Variants in GSK3B observed in about 807,000 individuals in gnomAD.
GSK3B encodes glycogen synthase kinase 3 beta.
Under a neutral mutation model 56.4 loss-of-function variants are expected in GSK3B, and 15 were observed. That is an observed-to-expected ratio of 0.27 (90% CI 0.18 to 0.41). GSK3B has a LOEUF of 0.41. Ranked by LOEUF, GSK3B falls within the 10% of genes least tolerant of loss-of-function variation. GSK3B has a pLI of 1.00. For synonymous variants in GSK3B, 181 were observed against 188.9 expected (o/e 0.96, Z 0.34); for missense variants, 300 against 513.4 (o/e 0.58, Z 4.02).
intron 8 of GSK3B, among the ~76,000 whole-genome samples, chr3:119,875,973 C>T (rs1036813669): frequency 1.3e-5 from 2 of 151,752 alleles, no homozygotes; most frequent in East Asian, 1.9e-4. Context: ...GGAAAGTAAA[C>T]AAGAGAGGAA....
At position 119,936,354 on chromosome 3, in the gene GSK3B, A is replaced by ATAT. The variant is rs571582966; in HGVS notation, c.366+10913_366+10914insATA. On this transcript the variant is annotated intron_variant, in intron 3 of 10. Coordinates refer to ENST00000264235, the MANE Select transcript of GSK3B (RefSeq NM_001146156.2). ...ATATAAAAAATATATATATATATAT[A>ATAT]TTTTTTTTTTGAGACAAAGTCTCGC... 4.9e-4 allele frequency among the ~76,000 whole-genome samples: 62 copies of ATAT among 125,762 alleles called. No homozygotes were observed. The East Asian group carries it at 6.3e-3, about 13-fold the overall frequency. The allele number at this position is 125,762 out of a possible 152,430, so 82.5% of individuals were successfully genotyped here. A position where few individuals can be genotyped will look rare whatever the true frequency, so the allele number is the denominator to read the frequency against.
At chr3:119,833,507 T>G (rs923678505) in intron 10 of GSK3B, among the ~76,000 whole-genome samples, 2 of 152,152 alleles carry the variant, frequency 1.3e-5, no homozygotes, top group Non-Finnish European at 1.5e-5. Flanking sequence ...TAATTGACGT[T>G]AAAGATTAAA....
intron 1 of GSK3B, among the ~76,000 whole-genome samples, chr3:120,012,308 G>GT (rs1157510219): frequency 6.6e-6 from 1 of 152,148 alleles, no homozygotes; most frequent in Non-Finnish European, 1.5e-5. Flanking sequence ...ACTAGAAACT[G>GT]TAACAAATCT....
chr3:119,921,140 A>G (rs1270392723), intron 4 of GSK3B, among the ~76,000 whole-genome samples: 2 of 152,236 alleles, frequency 1.3e-5, no homozygotes, highest in African/African-American at 2.4e-5. Flanking sequence ...TAAAACAACA[A>G]AACACCTCAT....
At chr3:120,088,246 T>C (rs866045888) in intron 1 of GSK3B, among the ~76,000 whole-genome samples, 8 of 152,116 alleles carry the variant, frequency 5.3e-5, no homozygotes, top group Middle Eastern at 3.4e-3. Context: ...CAGACACAAG[T>C]ATATTGGAAT....
intron 1 of GSK3B, among the ~76,000 whole-genome samples, chr3:120,004,648 T>C (rs1447907872): frequency 2.0e-5 from 3 of 152,154 alleles, no homozygotes; most frequent in Admixed American, 6.5e-5. Flanking sequence ...GGAGTGGACC[T>C]CTAGCAAACT....
intron 7 of GSK3B, among the ~76,000 whole-genome samples, chr3:119,899,944 T>A (rs1353969239): frequency 6.6e-6 from 1 of 152,064 alleles, no homozygotes; most frequent in African/African-American, 2.4e-5. Context: ...CAAAAGTTTA[T>A]TTGCATCTGT....
At chr3:119,912,946 A>T (rs769264531) in intron 5 of GSK3B, 136 bp from the exon 6 acceptor site, 101 of 455,716 alleles carry the variant, frequency 2.2e-4, no homozygotes, top group Middle Eastern at 1.1e-3. Flanking sequence ...GAAAAAGAAA[A>T]TGTAAACTGT....
chr3:120,044,926 T>C (rs1198116707), intron 1 of GSK3B, among the ~76,000 whole-genome samples: 2 of 152,230 alleles, frequency 1.3e-5, no homozygotes, highest in Admixed American at 1.3e-4. Flanking sequence ...ATCCAATGAA[T>C]TAACTAGAAT....
At chr3:120,005,298 T>C (rs111664069) in intron 1 of GSK3B, among the ~76,000 whole-genome samples, 1,849 of 152,276 alleles carry the variant, frequency 0.012, 33 homozygotes, top group African/African-American at 0.042. Context: ...AATCTACGTT[T>C]GAATGGTGTA....
intron 1 of GSK3B, among the ~76,000 whole-genome samples, chr3:120,043,701 C>T (rs1264637443): frequency 6.6e-6 from 1 of 152,182 alleles, no homozygotes; most frequent in East Asian, 1.9e-4. Context: ...CTCTAATTGT[C>T]CATCTCACCA....
chr3:120,035,452 T>A (rs1018486987), intron 1 of GSK3B, among the ~76,000 whole-genome samples: 2 of 152,356 alleles, frequency 1.3e-5, no homozygotes, highest in Admixed American at 1.3e-4. Context: ...TCCCTTGTAT[T>A]TCCATATGAA....
intron 1 of GSK3B, among the ~76,000 whole-genome samples, chr3:120,053,135 G>C (rs538212362): frequency 6.6e-6 from 1 of 152,212 alleles, no homozygotes; most frequent in South Asian, 2.1e-4. Flanking sequence ...TCAGGAGTTC[G>C]AGACCAGCCT....
At chr3:119,852,839 G>A (rs1157542692) in intron 9 of GSK3B, among the ~76,000 whole-genome samples, 1 of 152,058 alleles carries the variant, frequency 6.6e-6, no homozygotes, top group Non-Finnish European at 1.5e-5. Flanking sequence ...TGTCAGATGG[G>A]TAGATTGCAA....
At chr3:119,875,915 C>T (rs2056306316) in intron 8 of GSK3B, among the ~76,000 whole-genome samples, 2 of 152,000 alleles carry the variant, frequency 1.3e-5, no homozygotes, top group South Asian at 4.1e-4. Flanking sequence ...ATGTATACTC[C>T]CAGCAAGATT....
At position 119,832,891 on chromosome 3, in the gene GSK3B, G is replaced by A. The variant is rs2055626428; in HGVS notation, c.1196-6036C>T. The A allele has an allele frequency of 4.4e-6, 3 of 675,728 alleles. No individual in the cohort carries two copies. The South Asian group carries it at 2.0e-4, about 45-fold the overall frequency. 41.9% of individuals were successfully genotyped at this position (675,728 alleles called of 1,614,324 possible). A position where few individuals can be genotyped will look rare whatever the true frequency, so the allele number is the denominator to read the frequency against. The stretch of plus-strand genomic sequence containing the variant: ...TTTGTCCTGGAGTAAATTTTCATAT[G>A]TAAAATTCTATATCTGGTATCATAA... On this transcript the variant is annotated intron_variant, in intron 10 of 10. Coordinates refer to ENST00000264235, the MANE Select transcript of GSK3B (RefSeq NM_001146156.2).
intron 7 of GSK3B, among the ~76,000 whole-genome samples, chr3:119,904,078 T>TTAAAAA (rs1214446304): frequency 6.6e-6 from 1 of 152,124 alleles, no homozygotes; most frequent in Non-Finnish European, 1.5e-5. Context: ...AGAGCTGTAT[T>TTAAAAA]TAAAAATAAA....
At chr3:119,913,853 T>C (rs1020512061) in intron 5 of GSK3B, among the ~76,000 whole-genome samples, 2 of 152,078 alleles carry the variant, frequency 1.3e-5, no homozygotes, top group African/African-American at 4.8e-5. Flanking sequence ...TGACATACAA[T>C]AACCATTTCA....
At chr3:119,927,087 C>T (rs1207993264) in intron 3 of GSK3B, among the ~76,000 whole-genome samples, 1 of 152,140 alleles carries the variant, frequency 6.6e-6, no homozygotes, top group African/African-American at 2.4e-5. Context: ...GCCTAGCACA[C>T]AGTAGGTACT....
Sources: gnomAD v4.1 joint callset for allele counts (sites outside exome capture counted in the v4.1 genomes callset) on GRCh38, gnomAD v4.1.1 for gene constraint, MANE v1.5 for transcripts, NCBI Gene and HGNC (gene_info 2026-07-23, HGNC 2026-07-21) for gene names.